KYAT1: variants seen among roughly 807,000 people sequenced by gnomAD.
The protein encoded by KYAT1 is kynurenine aminotransferase 1.
A neutral mutation model predicts 52.4 loss-of-function variants in KYAT1; 47 were observed. That is an observed-to-expected ratio of 0.90 (90% CI 0.71 to 1.14). KYAT1 has a LOEUF of 1.14. KYAT1 is among the 50% of genes most tolerant of loss of function. The pLI is 0.00. For missense variants in KYAT1, 480 were observed against 557.9 expected, an observed-to-expected ratio of 0.86 and a Z score of 1.41; for synonymous variants, 212 against 209.6, an observed-to-expected ratio of 1.01 and a Z score of -0.10.
Position 128,833,468 on chromosome 9 carries a change from T to G in KYAT1, c.*116A>C. The G allele has an allele frequency of 2.9e-6, 3 of 1,034,632 alleles. No homozygotes were observed. Among genetic ancestry groups the G allele is most frequent in the Non-Finnish European group, 4.4e-6 (3 of 685,856 alleles). The allele number at this position is 1,034,632 out of a possible 1,614,324, so 64.1% of individuals were successfully genotyped here. On this transcript the variant is annotated 3_prime_UTR_variant, in exon 13 of 13. Coordinates refer to ENST00000302586, the MANE Select transcript of KYAT1 (RefSeq NM_004059.5). ...AACATTCTGTGTCACGGAGAAGAGG[T>G]TTCCCAATAGCATCTTCCCCAACCT...
rs1471828847 is a variant in KYAT1, at chr9:128,835,258, G to T, written c.1122+65C>A. ...ATCTAGCCCAGGAGCCTCTTGCCTG[G>T]GCACCCTTGAGCAGCACACAACCTG... On this transcript the variant is annotated intron_variant, in intron 11 of 12. Transcript: ENST00000302586. The T allele has an allele frequency of 6.5e-6, 9 of 1,380,070 alleles. No individual in the cohort carries two copies. In the East Asian group the frequency reaches 6.8e-5, roughly 10 times the overall value. 85.5% of individuals were successfully genotyped at this position (1,380,070 alleles called of 1,614,324 possible).
chr9:128,842,812 A>C lies in KYAT1; in HGVS notation c.54-11T>G. 1 of 1,611,504 alleles carries C rather than the reference A, an allele frequency of 6.2e-7. No homozygotes were observed. Among genetic ancestry groups the C allele is most frequent in the South Asian group, 1.1e-5 (1 of 90,658 alleles). ...TTCACAAACTCCACCCTGGGTAACA[A>C]ATGGAGAATCAGCACCAGCCCAGCC... On this transcript the variant is annotated splice_polypyrimidine_tract_variant and intron_variant, in intron 2 of 12. Transcript: ENST00000302586.
chr9:128,852,265 G>A lies in KYAT1; in HGVS notation c.-6-6854C>T, dbSNP rs199542175. On this transcript the variant is annotated intron_variant, in intron 1 of 12. Coordinates refer to ENST00000302586, the MANE Select transcript of KYAT1 (RefSeq NM_004059.5). ...ACAACCCATGGGTGCTCTCCAACCC[G>A]GGATGCCCTCTCTGGCCATGATCCC... Among the ~76,000 whole-genome samples, 33 of 152,256 alleles carry A rather than the reference G, an allele frequency of 2.2e-4. 1 individual carries two copies. The East Asian group carries it at 4.2e-3, about 20-fold the overall frequency.
At chr9:128,868,065 G>A (rs941939080) in intron 1 of KYAT1, among the ~76,000 whole-genome samples, 11 of 152,210 alleles carry the variant, frequency 7.2e-5, no homozygotes, top group Non-Finnish European at 1.3e-4. Context: ...GAGCCACTGC[G>A]CTTGGCCCTG....
At chr9:128,837,954 T>G in intron 5 of KYAT1, 97 bp downstream of exon 5, 1 of 1,499,572 alleles carries the variant, frequency 6.7e-7, no homozygotes, top group East Asian at 2.3e-5. Context: ...AGGAACTGGC[T>G]TCCTTCACTT....
intron 1 of KYAT1, among the ~76,000 whole-genome samples, chr9:128,850,436 G>A (rs1257390043): frequency 6.6e-6 from 1 of 152,108 alleles, no homozygotes; most frequent in Middle Eastern, 3.2e-3. Context: ...AGGGATCTAG[G>A]GCTGTGCAGG....
chr9:128,880,783 C>G (rs1838737611), intron 1 of KYAT1, among the ~76,000 whole-genome samples: 1 of 152,218 alleles, frequency 6.6e-6, no homozygotes, highest in Non-Finnish European at 1.5e-5. Flanking sequence ...CTCTAAGGTT[C>G]TTTTCTCTTC....
At chr9:128,835,197 C>A in intron 11 of KYAT1, 126 bp downstream of exon 11, 1 of 805,900 alleles carries the variant, frequency 1.2e-6, no homozygotes, top group Non-Finnish European at 2.2e-6. Flanking sequence ...GTGGATACAA[C>A]CCTGCCCCAA....
intron 1 of KYAT1, among the ~76,000 whole-genome samples, chr9:128,877,146 C>T (rs1838162419): frequency 6.6e-6 from 1 of 152,142 alleles, no homozygotes; most frequent in Non-Finnish European, 1.5e-5. Context: ...GATCTGCCTG[C>T]CTTGACCTCC....
At chr9:128,843,382 CTT>C (rs542736022) in intron 2 of KYAT1, among the ~76,000 whole-genome samples, 21 of 139,764 alleles carry the variant, frequency 1.5e-4, no homozygotes, top group Admixed American at 2.1e-4. Flanking sequence ...AAGAAATCAT[CTT>C]TTTTTTTTTT....
intron 1 of KYAT1, among the ~76,000 whole-genome samples, chr9:128,868,345 C>T (rs1199149335): frequency 6.6e-6 from 1 of 152,008 alleles, no homozygotes; most frequent in African/African-American, 2.4e-5. Context: ...GCTGTGATTA[C>T]AGGCGTGAGC....
At chr9:128,851,600 C>T (rs779288844) in intron 1 of KYAT1, among the ~76,000 whole-genome samples, 1 of 152,250 alleles carries the variant, frequency 6.6e-6, no homozygotes, top group Non-Finnish European at 1.5e-5. Flanking sequence ...GTAAAATCAT[C>T]CCACTTACAG....
intron 1 of KYAT1, among the ~76,000 whole-genome samples, chr9:128,877,038 A>T (rs557755754): frequency 6.6e-6 from 1 of 152,118 alleles, no homozygotes; most frequent in East Asian, 1.9e-4. Flanking sequence ...AGCTGGGATT[A>T]CAGGCACCCA....
chr9:128,859,613 T>C (rs2130643910), intron 1 of KYAT1, among the ~76,000 whole-genome samples: 1 of 150,908 alleles, frequency 6.6e-6, no homozygotes, highest in East Asian at 2.0e-4. Flanking sequence ...GAGGTTGCAG[T>C]GAGCCGAGAT....
In KYAT1 at chr9:128,837,623, G is replaced by A. The variant is rs191489685; in HGVS notation, c.567+62C>T. On this transcript the variant is annotated intron_variant, in intron 6 of 12. Coordinates refer to ENST00000302586, the MANE Select transcript of KYAT1 (RefSeq NM_004059.5). Reference sequence around the variant, plus strand: ...ACGGAGGCCCCACAGCAGCAACTCAGTAACAGTGCAGGAGACATGACCAGG... The same window carrying A: ...ACGGAGGCCCCACAGCAGCAACTCAATAACAGTGCAGGAGACATGACCAGG... The A allele has an allele frequency of 4.8e-5, 76 of 1,592,508 alleles. No individual in the cohort carries two copies. In the African/African-American group the frequency reaches 9.8e-4, roughly 21 times the overall value.
chr9:128,846,622 A>T, intron 1 of KYAT1: 1 of 1,026,748 alleles, frequency 9.7e-7, no homozygotes, highest in Non-Finnish European at 1.3e-6. Context: ...AAAAAAAAAA[A>T]AAAGAAAGAA....
At chr9:128,835,939 C>G in intron 8 of KYAT1, 58 bp downstream of exon 8, 1 of 1,600,880 alleles carries the variant, frequency 6.2e-7, no homozygotes, top group Non-Finnish European at 8.6e-7. Flanking sequence ...TTCTCAGGCC[C>G]ACCTCACTTG....
At chr9:128,846,622 A>AAT in intron 1 of KYAT1, 5 of 1,026,748 alleles carry the variant, frequency 4.9e-6, no homozygotes, top group Non-Finnish European at 6.7e-6. Flanking sequence ...AAAAAAAAAA[A>AAT]AAAGAAAGAA....
At chr9:128,842,174 C>A in intron 3 of KYAT1, 1 of 265,154 alleles carries the variant, frequency 3.8e-6, no homozygotes, top group Non-Finnish European at 7.8e-6. Flanking sequence ...GCCTGGATAA[C>A]AGAGTGAGAC....
Sources: allele counts gnomAD v4.1 joint callset (sites outside exome capture counted in the v4.1 genomes callset), GRCh38; gene constraint gnomAD v4.1.1; transcripts MANE v1.5; gene names NCBI Gene and HGNC (gene_info 2026-07-23, HGNC 2026-07-21).